The following SSU72 variants were observed in gnomAD, a reference collection of about 807,000 sequenced individuals.
The protein encoded by SSU72 is SSU72 homolog, RNA polymerase II CTD phosphatase, also known as RNA polymerase II subunit A C-terminal domain phosphatase SSU72.
In SSU72, 12 loss-of-function variants were observed where a neutral mutation model predicts 22.7. The ratio of observed to expected loss-of-function variants is 0.53; its 90% CI spans 0.34 to 0.86. The LOEUF is 0.86. Ranked by LOEUF, SSU72 falls within the 40% of genes least tolerant of loss-of-function variation. The pLI, the probability that SSU72 is intolerant of heterozygous loss-of-function variation, is 0.02. For missense variants in SSU72, 151 were observed against 249.8 expected (o/e 0.60, Z 2.67); for synonymous variants, 116 against 98.3 (o/e 1.18, Z -1.06).
At chr1:1,543,560 G>A (rs1278357418) in intron 4 of SSU72, among the ~76,000 whole-genome samples, 1 of 152,180 alleles carries the variant, frequency 6.6e-6, no homozygotes, top group Admixed American at 6.5e-5. Context: ...AGCAGACCTT[G>A]CCCCAAGCAG....
rs1435919193 is a variant in SSU72 at position 1,542,011 on chromosome 1, G to A, written c.*55C>T. 5 of 1,510,554 alleles carry A rather than the reference G, an allele frequency of 3.3e-6. No individual in the cohort carries two copies. In the East Asian group the frequency reaches 7.4e-5, roughly 22 times the overall value. 93.6% of individuals were successfully genotyped at this position (1,510,554 alleles called of 1,614,324 possible). A position where few individuals can be genotyped will look rare whatever the true frequency, so the allele number is the denominator to read the frequency against. On this transcript the variant is annotated 3_prime_UTR_variant, in exon 5 of 5. Coordinates refer to ENST00000291386, the MANE Select transcript of SSU72 (RefSeq NM_014188.3). The surrounding 1 kb of genome is among the most constrained non-coding windows in gnomAD (Gnocchi z 4.4). Reference sequence around the variant, plus strand: ...TGTAAGTAAAAACAAATGTCAGGAAGGAAAAAGTATGAACAACAGGAAGCT... The same window carrying A: ...TGTAAGTAAAAACAAATGTCAGGAAAGAAAAAGTATGAACAACAGGAAGCT...
intron 1 of SSU72, among the ~76,000 whole-genome samples, chr1:1,570,004 A>G (rs922062514): frequency 2.6e-5 from 4 of 152,122 alleles, no homozygotes; most frequent in African/African-American, 9.7e-5. Flanking sequence ...CGCCTAAAAG[A>G]CTCTCTAAAT....
At chr1:1,571,726 C>T (rs1003372429) in intron 1 of SSU72, among the ~76,000 whole-genome samples, 2 of 152,100 alleles carry the variant, frequency 1.3e-5, no homozygotes, top group Admixed American at 1.3e-4. Context: ...ATCGTCTCAG[C>T]GAGGTTATGA....
rs970659010 is a variant in SSU72, at chr1:1,542,823, C to T, written c.484-656G>A. 6.6e-6 allele frequency among the ~76,000 whole-genome samples: 1 copy of T among 152,164 alleles called. No homozygotes were observed. The highest frequency in any genetic ancestry group is 2.4e-5 in the African/African-American group (1 of 41,452). ...TCTTATGACCTTTTCTCCTGCCAGG[C>T]GATCATGAAGACCGTCCCTGGCGCT... On this transcript the variant is annotated intron_variant, in intron 4 of 4. Coordinates refer to ENST00000291386, the MANE Select transcript of SSU72 (RefSeq NM_014188.3). The surrounding 1 kb of genome is among the most constrained non-coding windows in gnomAD (Gnocchi z 4.4).
chr1:1,550,163 G>T (rs1462541709), intron 2 of SSU72, among the ~76,000 whole-genome samples: 1 of 140,782 alleles, frequency 7.1e-6, no homozygotes, highest in Non-Finnish European at 1.5e-5. Flanking sequence ...GAGACAGAGC[G>T]AGAGTGTCTC....
chr1:1,566,135 C>T (rs957148708), intron 1 of SSU72, among the ~76,000 whole-genome samples: 6 of 151,740 alleles, frequency 4.0e-5, no homozygotes, highest in African/African-American at 1.5e-4. Context: ...CATGGTGGTG[C>T]GTGCCTGTAA....
intron 4 of SSU72, among the ~76,000 whole-genome samples, chr1:1,543,085 C>A (rs1384697923): frequency 6.6e-6 from 1 of 152,218 alleles, no homozygotes; most frequent in South Asian, 2.1e-4. Flanking sequence ...CGGGACGGTG[C>A]GTGGGGCTCT....
At chr1:1,547,147 G>A (rs898315908) in intron 2 of SSU72, among the ~76,000 whole-genome samples, 1 of 152,146 alleles carries the variant, frequency 6.6e-6, no homozygotes, top group Non-Finnish European at 1.5e-5. Flanking sequence ...GGGTGCAGGG[G>A]TCCAGTGGCA....
chr1:1,546,973 T>C (rs1642398426), intron 2 of SSU72, among the ~76,000 whole-genome samples: 2 of 149,852 alleles, frequency 1.3e-5, no homozygotes, highest in African/African-American at 4.9e-5. Flanking sequence ...GAGCTTGCAG[T>C]GAGCTGAGAT....
intron 1 of SSU72, among the ~76,000 whole-genome samples, chr1:1,570,837 C>T (rs966532016): frequency 3.3e-5 from 5 of 152,166 alleles, no homozygotes; most frequent in African/African-American, 7.2e-5. Flanking sequence ...GCAGGCTGGG[C>T]GTGGTGGCTC....
At chr1:1,571,971 A>AT (rs1239239086) in intron 1 of SSU72, among the ~76,000 whole-genome samples, 3 of 150,548 alleles carry the variant, frequency 2.0e-5, no homozygotes, top group Admixed American at 2.0e-4. Flanking sequence ...ATTTTTTTGT[A>AT]TTTTTTGTAG....
At chr1:1,543,077 G>A (rs943739637) in intron 4 of SSU72, among the ~76,000 whole-genome samples, 6 of 152,246 alleles carry the variant, frequency 3.9e-5, no homozygotes, top group Non-Finnish European at 8.8e-5. Context: ...GGCAGAGGCG[G>A]GACGGTGCGT....
chr1:1,552,512 G>A (rs559936962), intron 2 of SSU72, among the ~76,000 whole-genome samples: 18 of 152,326 alleles, frequency 1.2e-4, no homozygotes, highest in African/African-American at 4.3e-4. Flanking sequence ...TGTGCCCCAC[G>A]CCCAGAGGGC....
intron 1 of SSU72, among the ~76,000 whole-genome samples, chr1:1,567,932 G>C (rs962350038): frequency 1.3e-4 from 11 of 84,056 alleles, no homozygotes; most frequent in African/African-American, 8.9e-4. Flanking sequence ...AAAAAAAATC[G>C]CACAAAGAAG....
chr1:1,549,559 C>T lies in SSU72; in HGVS notation c.225-4557G>A, dbSNP rs929120441. 3.9e-5 allele frequency among the ~76,000 whole-genome samples: 6 copies of T among 151,906 alleles called. No homozygotes were observed. The East Asian group carries it at 1.2e-3, about 29-fold the overall frequency. ...AGAAAAAGAAAAAAAAAGGCTGCAG[C>T]CAGGCATGGTGGCTCACACCTATAA... On this transcript the variant is annotated intron_variant, in intron 2 of 4. Coordinates refer to ENST00000291386, the MANE Select transcript of SSU72 (RefSeq NM_014188.3).
At chr1:1,544,054 T>C (rs1642359790) in intron 3 of SSU72, 67 bp from the exon 4 acceptor site, 3 of 1,252,278 alleles carry the variant, frequency 2.4e-6, no homozygotes, top group Non-Finnish European at 2.3e-6. Flanking sequence ...TCAATGTGGC[T>C]GAGTCCCCAG....
intron 2 of SSU72, chr1:1,563,976 C>G (rs988906053): frequency 6.6e-6 from 1 of 152,550 alleles, no homozygotes; most frequent in African/African-American, 2.4e-5. Context: ...AGTGCCAACA[C>G]GAAGATAAAA....
Position 1,542,503 on chromosome 1 carries a change from G to A in SSU72, c.484-336C>T, listed in dbSNP as rs541278493. The stretch of plus-strand genomic sequence containing the variant: ...ACAGCGGGGCCGACCAACCCTCACC[G>A]CCAGCGCTTCCACACCACCAACAAG... On this transcript the variant is annotated intron_variant, in intron 4 of 4. Transcript: ENST00000291386. The surrounding 1 kb of genome is among the most constrained non-coding windows in gnomAD (Gnocchi z 4.4). Among the ~76,000 whole-genome samples the A allele has an allele frequency of 2.0e-5, 3 of 152,232 alleles. No homozygotes were observed. The highest frequency in any genetic ancestry group is 1.9e-4 in the East Asian group (1 of 5,160).
At chr1:1,559,301 C>T (rs1211381058) in intron 2 of SSU72, among the ~76,000 whole-genome samples, 1 of 152,188 alleles carries the variant, frequency 6.6e-6, no homozygotes, top group African/African-American at 2.4e-5. Flanking sequence ...GAAGCTGCTA[C>T]AGGCACTGGG....
Sources: gnomAD v4.1 joint callset for allele counts (sites outside exome capture counted in the v4.1 genomes callset) on GRCh38, gnomAD v4.1.1 for gene constraint, Gnocchi (gnomAD v3.1) non-coding constraint, MANE v1.5 for transcripts, NCBI Gene and HGNC (gene_info 2026-07-23, HGNC 2026-07-21) for gene names.